GYPB: variants seen among roughly 807,000 people sequenced by gnomAD.
GYPB encodes glycophorin B (MNS blood group), also known as glycophorin-B.
A neutral mutation model predicts 15.3 loss-of-function variants in GYPB; 13 were observed. The ratio of observed to expected loss-of-function variants is 0.85; its 90% CI spans 0.55 to 1.35. GYPB has a LOEUF of 1.35. Among genes scored for constraint, GYPB ranks in the 40% most tolerant of loss-of-function variants. GYPB has a pLI of 0.00. For synonymous variants in GYPB, 38 were observed against 36.9 expected (o/e 1.03, Z -0.11); for missense variants, 131 against 108.3 (o/e 1.21, Z -0.93).
intron 2 of GYPB, chr4:144,000,307 A>G (rs1332119542): frequency 3.4e-5 from 9 of 263,722 alleles, no homozygotes; most frequent in Non-Finnish European, 5.4e-5. Context: ...GAGAACTGTC[A>G]TGAGTTACAG....
chr4:144,013,194 A>G (rs1300854477), intron 1 of GYPB, among the ~76,000 whole-genome samples: 2 of 151,312 alleles, frequency 1.3e-5, no homozygotes, highest in East Asian at 1.9e-4. Flanking sequence ...GCCATCAGAG[A>G]AATGCAAATC....
chr4:143,995,468 G>A (rs1019215871), downstream of GYPB, among the ~76,000 whole-genome samples: 2 of 151,192 alleles, frequency 1.3e-5, no homozygotes, highest in African/African-American at 4.9e-5. Context: ...GTGTGTACTA[G>A]AAGAGGAAAC....
intron 1 of GYPB, chr4:144,016,806 T>C: frequency 2.2e-6 from 1 of 450,572 alleles, no homozygotes; most frequent in South Asian, 1.6e-5. Context: ...ACTTACCTCC[T>C]GTTTCAGAAT....
At chr4:144,010,015 C>A (rs1240297043) in intron 1 of GYPB, among the ~76,000 whole-genome samples, 2 of 151,292 alleles carry the variant, frequency 1.3e-5, no homozygotes, top group East Asian at 1.9e-4. Flanking sequence ...GTTTGCTTGG[C>A]CCCTGTATTA....
intron 1 of GYPB, among the ~76,000 whole-genome samples, chr4:144,013,059 C>T (rs1048408670): frequency 6.6e-6 from 1 of 151,600 alleles, no homozygotes; most frequent in Non-Finnish European, 1.5e-5. Flanking sequence ...TCTGATAAGA[C>T]TCTTTATCCA....
intron 1 of GYPB, among the ~76,000 whole-genome samples, chr4:144,007,090 T>A (rs1376709521): frequency 7.3e-5 from 11 of 150,738 alleles, no homozygotes; most frequent in African/African-American, 2.5e-4. Context: ...ATACTGTCTG[T>A]GGCCATTCAT....
At chr4:144,005,162 A>G (rs749648442) in intron 1 of GYPB, among the ~76,000 whole-genome samples, 41 of 152,072 alleles carry the variant, frequency 2.7e-4, no homozygotes, top group African/African-American at 9.5e-4. Context: ...AACCACTTGC[A>G]GCACATCTAA....
chr4:143,996,047 T>A, downstream of GYPB: 1 of 1,023,276 alleles, frequency 9.8e-7, no homozygotes, highest in East Asian at 2.8e-5. Context: ...CCTACTGTAA[T>A]GGGCTTTACA....
intron 2 of GYPB, 102 bp from the exon 3 acceptor site, chr4:143,999,551 C>G: frequency 1.5e-6 from 1 of 669,432 alleles, no homozygotes; most frequent in Non-Finnish European, 2.7e-6. Flanking sequence ...TTTTCTTAAT[C>G]ATATTTTGAG....
In GYPB at chr4:144,011,235, C is replaced by G. The variant is rs1415382502; in HGVS notation, c.37+8016G>C. Reference sequence around the variant, plus strand: ...TGTCTACTGAAATACAAAAAATTAACTGGGCGTGGTGGTGTGCGCCTGTAT... The same window carrying G: ...TGTCTACTGAAATACAAAAAATTAAGTGGGCGTGGTGGTGTGCGCCTGTAT... On this transcript the variant is annotated intron_variant, in intron 1 of 4. Transcript: ENST00000502664. 2.0e-5 allele frequency among the ~76,000 whole-genome samples: 3 copies of G among 151,170 alleles called. 1 individual carries two copies. The highest frequency in any genetic ancestry group is 1.3e-4 in the Admixed American group (2 of 15,258).
At chr4:144,013,427 C>T (rs1728323182) in intron 1 of GYPB, among the ~76,000 whole-genome samples, 2 of 151,132 alleles carry the variant, frequency 1.3e-5, no homozygotes, top group African/African-American at 4.9e-5. Context: ...GGGTATATAC[C>T]CAAAGGACCA....
chr4:143,998,411 A>C (rs1477642687), intron 3 of GYPB, among the ~76,000 whole-genome samples: 1 of 151,406 alleles, frequency 6.6e-6, no homozygotes, highest in Non-Finnish European at 1.5e-5. Context: ...TAATATTTAA[A>C]TTATTCACAA....
At chr4:144,011,517 A>C (rs919739576) in intron 1 of GYPB, among the ~76,000 whole-genome samples, 42 of 151,460 alleles carry the variant, frequency 2.8e-4, no homozygotes, top group African/African-American at 9.1e-4. Context: ...TTTCACAATG[A>C]TTCTTAAGTA....
At chr4:144,008,307 C>A in intron 1 of GYPB, 2 of 443,026 alleles carry the variant, frequency 4.5e-6, no homozygotes, top group South Asian at 3.2e-5. Flanking sequence ...AAATTCTCAC[C>A]AAATTATAAT....
At chr4:144,012,466 G>GA (rs1728265136) in intron 1 of GYPB, 1 of 151,484 alleles carries the variant, frequency 6.6e-6, no homozygotes, top group African/African-American at 2.4e-5. Context: ...TGCAAGAATG[G>GA]AAAACCTAAT....
intron 1 of GYPB, among the ~76,000 whole-genome samples, chr4:144,014,132 A>T (rs1728368938): frequency 6.6e-6 from 1 of 151,812 alleles, no homozygotes; most frequent in Non-Finnish European, 1.5e-5. Flanking sequence ...AGAAATTGGC[A>T]CCTCATACAC....
chr4:143,997,952 C>T (rs1267260024), intron 3 of GYPB, among the ~76,000 whole-genome samples: 3 of 151,098 alleles, frequency 2.0e-5, no homozygotes, highest in African/African-American at 7.4e-5. Flanking sequence ...GGACGTTCTC[C>T]TCAGATATGG....
At chr4:144,016,517 A>C (rs1290680831) in intron 1 of GYPB, among the ~76,000 whole-genome samples, 1 of 150,632 alleles carries the variant, frequency 6.6e-6, no homozygotes, top group Non-Finnish European at 1.5e-5. Flanking sequence ...TATAAATACC[A>C]ATCGGGAACT....
chr4:144,009,904 T>C (rs546568191), intron 1 of GYPB, among the ~76,000 whole-genome samples: 2 of 150,680 alleles, frequency 1.3e-5, no homozygotes, highest in African/African-American at 2.5e-5. Context: ...TGGACCACTG[T>C]ACCCGGCCTA....
Sources: gnomAD v4.1 joint callset for allele counts (sites outside exome capture counted in the v4.1 genomes callset) on GRCh38, gnomAD v4.1.1 for gene constraint, MANE v1.5 for transcripts, NCBI Gene and HGNC (gene_info 2026-07-23, HGNC 2026-07-21) for gene names.